Variants in SETD3 observed in about 807,000 individuals in gnomAD.
SETD3 encodes actin-histidine N-methyltransferase.
In SETD3, 19 loss-of-function variants were observed where a neutral mutation model predicts 63.0. The ratio of observed to expected loss-of-function variants is 0.30; its 90% CI spans 0.21 to 0.44. The LOEUF (loss-of-function observed/expected upper bound fraction) is 0.44, where lower values mean the gene tolerates loss of function less well. SETD3 is among the 20% of genes least tolerant of loss of function. The probability of loss-of-function intolerance (pLI) is 1.00; values close to 1 mark genes in which losing one functional copy is unlikely to be tolerated. For missense variants in SETD3, 587 were observed against 728.5 expected, an observed-to-expected ratio of 0.81 and a Z score of 2.24; for synonymous variants, 286 against 264.1, an observed-to-expected ratio of 1.08 and a Z score of -0.80.
At chr14:99,456,384 C>T (rs1278625422) in intron 6 of SETD3, among the ~76,000 whole-genome samples, 12 of 152,020 alleles carry the variant, frequency 7.9e-5, no homozygotes, top group Admixed American at 4.6e-4. Flanking sequence ...ATTTGATCGT[C>T]GTTGACTAAA....
chr14:99,424,968 G>A (rs188987201), intron 6 of SETD3, among the ~76,000 whole-genome samples: 39 of 152,154 alleles, frequency 2.6e-4, no homozygotes, highest in African/African-American at 8.0e-4. Context: ...CTCAGCACCC[G>A]GGAGCAGAAG....
At chr14:99,406,634 C>A (rs374379426) in intron 8 of SETD3, 44 bp from the exon 9 acceptor site, 59 of 1,548,606 alleles carry the variant, frequency 3.8e-5, no homozygotes, top group Non-Finnish European at 5.3e-5. Context: ...GGCAAACACA[C>A]GCACATCTCA....
At position 99,405,228 on chromosome 14, in the gene SETD3, G is replaced by A. The variant is rs1891616940; in HGVS notation, c.1068C>T (p.Val356=). Reference sequence around the variant, plus strand: ...ACGTGGGGATGCCGGCACGAGCCAAGACCTCGGCCTTCATGGCGTAGAGTC... The same window carrying A: ...ACGTGGGGATGCCGGCACGAGCCAAAACCTCGGCCTTCATGGCGTAGAGTC... The part of the protein sequence containing the change: ...SDRLYAMKAE[V]LARAGIPTSS... Residue 356 remains valine, a synonymous_variant, in exon 10 of 13, where the codon GTC becomes GTT. Coordinates refer to ENST00000331768, the MANE Select transcript of SETD3 (RefSeq NM_032233.3). 6.2e-7 allele frequency: 1 copy of A among 1,613,844 alleles called. No individual in the cohort carries two copies. Among genetic ancestry groups the A allele is most frequent in the Non-Finnish European group, 8.5e-7 (1 of 1,179,904 alleles).
intron 6 of SETD3, 94 bp from the exon 7 acceptor site, chr14:99,414,028 G>A: frequency 8.4e-7 from 1 of 1,185,654 alleles, no homozygotes; most frequent in Non-Finnish European, 1.3e-6. Context: ...CTGCCTAACA[G>A]ATCCTAACAA....
chr14:99,465,229 CCAAGAG>C (rs1168861531), intron 2 of SETD3, among the ~76,000 whole-genome samples: 1 of 152,234 alleles, frequency 6.6e-6, no homozygotes, highest in African/African-American at 2.4e-5. Flanking sequence ...GGCCAGGTCT[CCAAGAG>C]GCACGCTGGA....
At chr14:99,410,211 G>A in intron 8 of SETD3, 1 of 1,613,684 alleles carries the variant, frequency 6.2e-7, no homozygotes, top group Non-Finnish European at 8.5e-7. Flanking sequence ...GGAATCTTCT[G>A]GTGTCTGAAG....
At chr14:99,458,034 A>G (rs1047519595) in intron 6 of SETD3, among the ~76,000 whole-genome samples, 7 of 152,236 alleles carry the variant, frequency 4.6e-5, no homozygotes, top group African/African-American at 1.2e-4. Flanking sequence ...GGTGATTTCA[A>G]TAACTCAGGA....
chr14:99,400,071 C>T (rs772368620), intron 12 of SETD3, 28 bp downstream of exon 12: 11 of 1,573,046 alleles, frequency 7.0e-6, no homozygotes, highest in Non-Finnish European at 8.6e-6. Flanking sequence ...ACAACAAGTT[C>T]AAAACCTCAT....
chr14:99,440,451 A>G (rs1893735526), intron 6 of SETD3, among the ~76,000 whole-genome samples: 1 of 152,300 alleles, frequency 6.6e-6, no homozygotes, highest in East Asian at 1.9e-4. Flanking sequence ...AGTAATTTCC[A>G]GTAGAGCCAG....
At chr14:99,484,183 G>A (rs1896425853), upstream of SETD3, among the ~76,000 whole-genome samples, 1 of 152,248 alleles carries the variant, frequency 6.6e-6, no homozygotes, top group Non-Finnish European at 1.5e-5. Context: ...GCAGTATCTT[G>A]GTATAAAGTA....
intron 5 of SETD3, 132 bp from the exon 6 acceptor site, chr14:99,458,667 G>C (rs1894898380): frequency 1.8e-6 from 2 of 1,136,008 alleles, no homozygotes; most frequent in Non-Finnish European, 2.4e-6. Flanking sequence ...GCTGGGCGCA[G>C]TGGCTCACAC....
At chr14:99,478,828 C>A (rs1180367074) in intron 1 of SETD3, 1 of 152,320 alleles carries the variant, frequency 6.6e-6, no homozygotes, top group East Asian at 1.9e-4. Flanking sequence ...TCAGAACTCT[C>A]AAAACCAAAA....
chr14:99,474,696 C>T (rs899323085), intron 1 of SETD3, among the ~76,000 whole-genome samples: 4 of 152,118 alleles, frequency 2.6e-5, no homozygotes, highest in African/African-American at 9.7e-5. Flanking sequence ...GAAACCCTGT[C>T]TCTACTAAAA....
chr14:99,435,191 T>C (rs1278554932), intron 6 of SETD3, among the ~76,000 whole-genome samples: 1 of 151,650 alleles, frequency 6.6e-6, no homozygotes, highest in Non-Finnish European at 1.5e-5. Flanking sequence ...ATAAACCTTA[T>C]TTTAAAAGTT....
intron 6 of SETD3, among the ~76,000 whole-genome samples, chr14:99,426,632 AT>A (rs1353890424): frequency 1.3e-5 from 2 of 152,122 alleles, no homozygotes; most frequent in African/African-American, 4.8e-5. Context: ...GCCACTTCCT[AT>A]TTTCCCCAGA....
At chr14:99,422,158 C>T (rs551548033) in intron 6 of SETD3, among the ~76,000 whole-genome samples, 3 of 152,180 alleles carry the variant, frequency 2.0e-5, no homozygotes, top group Non-Finnish European at 4.4e-5. Context: ...TAATTCTGTT[C>T]ACCATGCACA....
chr14:99,442,847 T>A (rs1893906953), intron 6 of SETD3, among the ~76,000 whole-genome samples: 1 of 151,948 alleles, frequency 6.6e-6, no homozygotes, highest in Non-Finnish European at 1.5e-5. Context: ...TGTTCAAGAG[T>A]CAAATGTACG....
At chr14:99,449,031 C>G (rs1188549168) in intron 6 of SETD3, among the ~76,000 whole-genome samples, 1 of 152,092 alleles carries the variant, frequency 6.6e-6, no homozygotes, top group Non-Finnish European at 1.5e-5. Flanking sequence ...ATTTTTGTAT[C>G]AAATATATAG....
At chr14:99,457,297 C>T (rs4905834) in intron 6 of SETD3, among the ~76,000 whole-genome samples, 140,463 of 152,318 alleles carry the variant, frequency 0.92, 65,866 homozygotes, top group East Asian at 1. Flanking sequence ...ATGAAGACAA[C>T]AGTCATGTAT....
Sources: allele counts gnomAD v4.1 joint callset (sites outside exome capture counted in the v4.1 genomes callset), GRCh38; gene constraint gnomAD v4.1.1; transcripts MANE v1.5; gene names NCBI Gene and HGNC (gene_info 2026-07-23, HGNC 2026-07-21).